Variants in PALLD observed in about 807,000 individuals in gnomAD.
PALLD encodes palladin.
PALLD carries 61 observed loss-of-function variants against 123.5 expected under a neutral mutation model. The ratio of observed to expected loss-of-function variants is 0.49; its 90% CI spans 0.40 to 0.61. The LOEUF (loss-of-function observed/expected upper bound fraction) is 0.61. Among genes scored for constraint, PALLD ranks in the 20% least tolerant of loss-of-function variants. The probability of loss-of-function intolerance (pLI) is 0.00; values close to 1 mark genes in which losing one functional copy is unlikely to be tolerated. For missense variants in PALLD, 1,273 were observed against 1,377.0 expected (o/e 0.92, Z 1.20); for synonymous variants, 465 against 496.4 (o/e 0.94, Z 0.84).
At chr4:168,557,416 A>G (rs1247987015) in intron 2 of PALLD, among the ~76,000 whole-genome samples, 1 of 152,070 alleles carries the variant, frequency 6.6e-6, no homozygotes, top group South Asian at 2.1e-4. Context: ...CAAATCTTAG[A>G]CCATTTCCAA....
chr4:168,508,478 T>A (rs1762228058), intron 1 of PALLD, among the ~76,000 whole-genome samples: 1 of 152,124 alleles, frequency 6.6e-6, no homozygotes, highest in Non-Finnish European at 1.5e-5. Context: ...ATGTAGTACA[T>A]CTATCCCAGC....
chr4:168,767,578 G>A (rs867451523), intron 10 of PALLD, among the ~76,000 whole-genome samples: 3 of 130,460 alleles, frequency 2.3e-5, no homozygotes, highest in Middle Eastern at 4.9e-3. Context: ...ACAGAGTTTC[G>A]CTCTTGTTGC....
intron 10 of PALLD, among the ~76,000 whole-genome samples, chr4:168,772,766 A>T (rs1030251942): frequency 1.3e-5 from 2 of 152,188 alleles, no homozygotes; most frequent in Non-Finnish European, 2.9e-5. Flanking sequence ...GGTGCTCAAT[A>T]AATATACTGA....
chr4:168,550,722 G>C (rs952032003), intron 2 of PALLD, among the ~76,000 whole-genome samples: 3 of 152,150 alleles, frequency 2.0e-5, no homozygotes, highest in Non-Finnish European at 4.4e-5. Flanking sequence ...AAGCAAATTA[G>C]TCTCACTTAT....
intron 10 of PALLD, among the ~76,000 whole-genome samples, chr4:168,738,236 C>A (rs942184437): frequency 2.6e-5 from 4 of 152,006 alleles, no homozygotes; most frequent in African/African-American, 9.7e-5. Flanking sequence ...AGAAGACATA[C>A]ACTTAGAACA....
At chr4:168,771,843 AT>A (rs1377067095) in intron 10 of PALLD, among the ~76,000 whole-genome samples, 3 of 152,134 alleles carry the variant, frequency 2.0e-5, no homozygotes, top group African/African-American at 7.2e-5. Context: ...CCTTCCCTGG[AT>A]TCTAGGGAGG....
At chr4:168,533,427 G>C (rs1764788125) in intron 2 of PALLD, among the ~76,000 whole-genome samples, 1 of 152,156 alleles carries the variant, frequency 6.6e-6, no homozygotes, top group Admixed American at 6.6e-5. Flanking sequence ...TCATGATTTG[G>C]TGAGTTATTG....
intron 2 of PALLD, among the ~76,000 whole-genome samples, chr4:168,608,984 C>T (rs749389037): frequency 3.9e-5 from 6 of 152,004 alleles, no homozygotes. Context: ...CACCCCGCTT[C>T]CTTCCTGTAT....
At chr4:168,830,293 G>A (rs1475646626) in intron 10 of PALLD, among the ~76,000 whole-genome samples, 2 of 151,116 alleles carry the variant, frequency 1.3e-5, no homozygotes, top group Non-Finnish European at 2.9e-5. Context: ...GGGAGGCCGA[G>A]GTGGGAGGAT....
intron 10 of PALLD, among the ~76,000 whole-genome samples, chr4:168,841,898 G>T (rs1011602244): frequency 2.0e-5 from 3 of 152,304 alleles, no homozygotes; most frequent in South Asian, 2.1e-4. Context: ...GATAGTGAAA[G>T]ATTTCCTATC....
intron 10 of PALLD, among the ~76,000 whole-genome samples, chr4:168,759,199 AAAAATATATATATATATATATAT>A (rs1404978223): frequency 1.6e-4 from 6 of 38,394 alleles, no homozygotes; most frequent in African/African-American, 8.6e-4. Flanking sequence ...AAAAAAAAAA[AAAAATATATATATATATATATAT>A]ATATATATAT....
chr4:168,558,006 C>T (rs1767494912), intron 2 of PALLD, among the ~76,000 whole-genome samples: 1 of 152,142 alleles, frequency 6.6e-6, no homozygotes, highest in African/African-American at 2.4e-5. Context: ...CTCTTTTTCT[C>T]ATTGAGTGCT....
chr4:168,764,832 G>T (rs1733445057), intron 10 of PALLD, among the ~76,000 whole-genome samples: 1 of 151,912 alleles, frequency 6.6e-6, no homozygotes, highest in Non-Finnish European at 1.5e-5. Flanking sequence ...ACCTCTCTTG[G>T]CTCCAGGTGT....
intron 11 of PALLD, among the ~76,000 whole-genome samples, chr4:168,892,361 T>G (rs1351694446): frequency 6.6e-6 from 1 of 151,652 alleles, no homozygotes; most frequent in African/African-American, 2.4e-5. Flanking sequence ...AGTAGAAAGC[T>G]CTCTATAATT....
chr4:168,737,031 T>G (rs902032893), intron 10 of PALLD, among the ~76,000 whole-genome samples: 4 of 152,170 alleles, frequency 2.6e-5, no homozygotes, highest in Non-Finnish European at 4.4e-5. Context: ...TTAGGTACCT[T>G]TTGGAGCACA....
At chr4:168,578,537 A>G (rs901027634) in intron 2 of PALLD, among the ~76,000 whole-genome samples, 5 of 152,130 alleles carry the variant, frequency 3.3e-5, no homozygotes, top group Non-Finnish European at 2.9e-5. Context: ...AGGCTTCCCC[A>G]GCTGTGCTGA....
intron 10 of PALLD, chr4:168,885,282 A>G (rs943829770): frequency 6.6e-6 from 1 of 152,140 alleles, no homozygotes; most frequent in Non-Finnish European, 1.5e-5. Flanking sequence ...CAACTTGGTT[A>G]TTAGCCTTTG....
intron 10 of PALLD, among the ~76,000 whole-genome samples, chr4:168,842,101 CTT>C (rs1746123000): frequency 6.6e-6 from 1 of 151,984 alleles, no homozygotes; most frequent in East Asian, 1.9e-4. Context: ...TGATTCCCCT[CTT>C]TATATGTGGC....
Position 168,891,007 on chromosome 4 carries a change from C to T in PALLD, c.2050C>T (p.Leu684=). Residue 684 remains leucine, a synonymous_variant, in exon 11 of 22, where the codon CTG becomes TTG. Transcript: ENST00000505667. ...CACAAAGGATGCTGTTATTCAAGAC[C>T]TGGAACGAAAACTTCGCTTCAAGGA... The part of the protein sequence containing the change: ...QGTKDAVIQD[L]ERKLRFKEDL... 6.2e-7 allele frequency: 1 copy of T among 1,614,086 alleles called. No individual in the cohort carries two copies. Among genetic ancestry groups the T allele is most frequent in the South Asian group, 1.1e-5 (1 of 91,078 alleles).
Sources: allele counts gnomAD v4.1 joint callset (sites outside exome capture counted in the v4.1 genomes callset), GRCh38; gene constraint gnomAD v4.1.1; transcripts MANE v1.5; gene names NCBI Gene and HGNC (gene_info 2026-07-23, HGNC 2026-07-21).